The following STPG2 variants were observed in gnomAD, a reference collection of about 807,000 sequenced individuals.
STPG2 encodes the protein sperm tail PG-rich repeat containing 2, also known as sperm-tail PG-rich repeat-containing protein 2.
Under a neutral mutation model 54.2 loss-of-function variants are expected in STPG2, and 56 were observed. The ratio of observed to expected loss-of-function variants is 1.03; its 90% CI spans 0.83 to 1.29. The LOEUF is 1.29. STPG2 is among the 50% of genes most tolerant of loss of function. The pLI, the probability that STPG2 is intolerant of heterozygous loss-of-function variation, is 0.00. For synonymous variants in STPG2, 200 were observed against 181.8 expected, an observed-to-expected ratio of 1.10 and a Z score of -0.81; for missense variants, 596 against 544.9, an observed-to-expected ratio of 1.09 and a Z score of -0.93.
At chr4:98,108,649 A>T (rs1231640703) in intron 4 of STPG2, among the ~76,000 whole-genome samples, 1 of 152,068 alleles carries the variant, frequency 6.6e-6, no homozygotes, top group Non-Finnish European at 1.5e-5. Flanking sequence ...ATTTTAGTAC[A>T]TGGCTACATG....
chr4:97,680,462 T>C (rs1189019777), intron 10 of STPG2, among the ~76,000 whole-genome samples: 2 of 152,166 alleles, frequency 1.3e-5, no homozygotes. Flanking sequence ...ATGCTTGTGA[T>C]TTTTGTACAT....
At chr4:97,538,301 T>A (rs1343881822) in intron 4 of STPG2, among the ~76,000 whole-genome samples, 3 of 152,084 alleles carry the variant, frequency 2.0e-5, no homozygotes, top group African/African-American at 7.2e-5. Context: ...GAAAAAAGAT[T>A]AGATGAATGG....
intron 4 of STPG2, among the ~76,000 whole-genome samples, chr4:97,538,536 A>T (rs950482947): frequency 6.6e-6 from 1 of 152,214 alleles, no homozygotes; most frequent in African/African-American, 2.4e-5. Context: ...GAAATATGGG[A>T]CTATGTGAAA....
At chr4:98,135,811 G>A (rs1231698359) in intron 1 of STPG2, among the ~76,000 whole-genome samples, 1 of 151,838 alleles carries the variant, frequency 6.6e-6, no homozygotes, top group African/African-American at 2.4e-5. Flanking sequence ...TGGTAGAGCT[G>A]AGAAATTCAG....
intron 5 of STPG2, among the ~76,000 whole-genome samples, chr4:98,047,753 T>C (rs1010882217): frequency 1.4e-5 from 2 of 145,686 alleles, no homozygotes; most frequent in African/African-American, 5.2e-5. Context: ...AGGTCTTGTA[T>C]TTTTAGAAAT....
intron 4 of STPG2, among the ~76,000 whole-genome samples, chr4:97,492,528 T>C (rs1198007942): frequency 1.3e-5 from 2 of 151,514 alleles, no homozygotes; most frequent in African/African-American, 4.8e-5. Flanking sequence ...ATGTATGTAA[T>C]GGATTGCATC....
In STPG2 at chr4:97,722,800, T is replaced by A. The variant is rs569408469; in HGVS notation, c.1205-9986A>T. Among the ~76,000 whole-genome samples, 716 of 146,996 alleles carry A rather than the reference T, an allele frequency of 4.9e-3. 3 individuals are homozygous for A. The highest frequency in any genetic ancestry group is 0.017 in the Middle Eastern group (5 of 286). Reference sequence around the variant, plus strand: ...GTCCATATTTGAGTCTCTGCCAATTTTTTTTTTTTTTTTTTGAGACGGAGC... The same window carrying A: ...GTCCATATTTGAGTCTCTGCCAATTATTTTTTTTTTTTTTTGAGACGGAGC... On this transcript the variant is annotated intron_variant, in intron 9 of 10. Coordinates refer to ENST00000295268, the MANE Select transcript of STPG2 (RefSeq NM_174952.3).
chr4:97,641,590 T>C (rs1721767582), intron 10 of STPG2, among the ~76,000 whole-genome samples: 1 of 151,460 alleles, frequency 6.6e-6, no homozygotes, highest in Non-Finnish European at 1.5e-5. Flanking sequence ...ACTTTTATTA[T>C]TTCACTTTAT....
intron 7 of STPG2, among the ~76,000 whole-genome samples, chr4:97,945,929 T>C (rs1466525846): frequency 2.0e-5 from 3 of 151,990 alleles, no homozygotes; most frequent in African/African-American, 7.2e-5. Flanking sequence ...TGTGGTGGCA[T>C]ATACCTGTGG....
chr4:97,982,630 T>C (rs1734718813), intron 5 of STPG2, among the ~76,000 whole-genome samples: 1 of 152,218 alleles, frequency 6.6e-6, no homozygotes, highest in African/African-American at 2.4e-5. Flanking sequence ...CTTCAGTACA[T>C]AATCTAGTTT....
At position 97,672,799 on chromosome 4, in the gene STPG2, C is replaced by T. The variant is rs140810775; in HGVS notation, c.1320+39900G>A. Among the ~76,000 whole-genome samples the T allele has an allele frequency of 4.1e-3, 627 of 152,244 alleles. 3 individuals carry two copies. Among genetic ancestry groups the T allele is most frequent in the South Asian group, 0.02 (98 of 4,822 alleles). On this transcript the variant is annotated intron_variant, in intron 10 of 10. Coordinates refer to ENST00000295268, the MANE Select transcript of STPG2 (RefSeq NM_174952.3). ...TATCTTCTCTTGTCACACGAAGGCA[C>T]GTGATAATGTTGACTGTAAGATGAC...
chr4:97,990,023 A>G (rs921375503), intron 5 of STPG2, among the ~76,000 whole-genome samples: 1 of 152,238 alleles, frequency 6.6e-6, no homozygotes, highest in African/African-American at 2.4e-5. Context: ...TCACCTACTA[A>G]CAAACCAGAA....
intron 9 of STPG2, among the ~76,000 whole-genome samples, chr4:97,740,635 C>A (rs1437293933): frequency 2.6e-5 from 4 of 152,006 alleles, no homozygotes. Context: ...GAATAAAATA[C>A]CTAGGAATCC....
chr4:97,894,821 T>C (rs1252610429), intron 8 of STPG2, among the ~76,000 whole-genome samples: 1 of 151,898 alleles, frequency 6.6e-6, no homozygotes, highest in Non-Finnish European at 1.5e-5. Flanking sequence ...AGCCTAAGGC[T>C]AGCGAGCAAA....
rs550366559 is a variant in STPG2 at position 98,042,168 on chromosome 4, C to G, written c.613-60850G>C. 2.0e-5 allele frequency among the ~76,000 whole-genome samples: 3 copies of G among 151,670 alleles called. No homozygotes were observed. The South Asian group carries it at 6.2e-4, about 32-fold the overall frequency. On this transcript the variant is annotated intron_variant, in intron 5 of 10. Coordinates refer to ENST00000295268, the MANE Select transcript of STPG2 (RefSeq NM_174952.3). ...ATAATCTTTTGTATTTTTATGAGATCATTCATAAGTGTGTCTTTTTTCATT... is the reference window on the plus strand; with the variant it reads ...ATAATCTTTTGTATTTTTATGAGATGATTCATAAGTGTGTCTTTTTTCATT...
chr4:97,564,763 T>C (rs4343732), intron 10 of STPG2, among the ~76,000 whole-genome samples: 97,006 of 152,066 alleles, frequency 0.64, 32,157 homozygotes, highest in African/African-American at 0.83. Flanking sequence ...ATAGTGGCCC[T>C]CACTCTCTAC....
chr4:98,019,055 G>A (rs550871993), intron 5 of STPG2, among the ~76,000 whole-genome samples: 5 of 151,916 alleles, frequency 3.3e-5, no homozygotes, highest in African/African-American at 1.2e-4. Context: ...GGCTTTTGTT[G>A]CCATTGCTTT....
At chr4:97,448,717 T>C (rs1379947892) in intron 4 of STPG2, among the ~76,000 whole-genome samples, 1 of 152,290 alleles carries the variant, frequency 6.6e-6, no homozygotes, top group East Asian at 1.9e-4. Context: ...TATATCAGTG[T>C]GAGAACGAAC....
intron 10 of STPG2, among the ~76,000 whole-genome samples, chr4:97,563,796 C>G (rs1732333635): frequency 1.3e-5 from 2 of 152,136 alleles, no homozygotes; most frequent in Admixed American, 6.5e-5. Flanking sequence ...GCACTGTGGT[C>G]TGAGAGACAG....
Sources: gnomAD v4.1 joint callset for allele counts (sites outside exome capture counted in the v4.1 genomes callset) on GRCh38, gnomAD v4.1.1 for gene constraint, MANE v1.5 for transcripts, NCBI Gene and HGNC (gene_info 2026-07-23, HGNC 2026-07-21) for gene names.